The following ITFG1 variants were observed in gnomAD, a reference collection of about 807,000 sequenced individuals.
The protein encoded by ITFG1 is T-cell immunomodulatory protein.
Under a neutral mutation model 81.8 loss-of-function variants are expected in ITFG1, and 34 were observed. The observed-to-expected ratio is 0.42, with a 90% CI of 0.32 to 0.55. ITFG1 has a LOEUF of 0.55. ITFG1 is among the 20% of genes least tolerant of loss of function. The pLI is 0.17. For synonymous variants in ITFG1, 285 were observed against 270.6 expected, an observed-to-expected ratio of 1.05 and a Z score of -0.52; for missense variants, 672 against 755.4, an observed-to-expected ratio of 0.89 and a Z score of 1.29.
intron 14 of ITFG1, among the ~76,000 whole-genome samples, chr16:47,175,113 C>G (rs1408406887): frequency 2.0e-5 from 3 of 151,686 alleles, no homozygotes; most frequent in Non-Finnish European, 2.9e-5. Flanking sequence ...ACAAAGAACA[C>G]CAAAAGAGAA....
intron 14 of ITFG1, among the ~76,000 whole-genome samples, chr16:47,180,604 C>G (rs1468186827): frequency 6.6e-6 from 1 of 152,188 alleles, no homozygotes; most frequent in Non-Finnish European, 1.5e-5. Context: ...AGGCTGGTCT[C>G]CAGCTCCTAA....
intron 8 of ITFG1, among the ~76,000 whole-genome samples, chr16:47,337,327 T>C (rs1234809523): frequency 6.6e-6 from 1 of 151,866 alleles, no homozygotes; most frequent in African/African-American, 2.4e-5. Context: ...ATCCCAGCAC[T>C]TTGGGAGGCC....
At chr16:47,206,846 T>G (rs573843136) in intron 14 of ITFG1, among the ~76,000 whole-genome samples, 18 of 152,236 alleles carry the variant, frequency 1.2e-4, no homozygotes, top group Non-Finnish European at 2.2e-4. Context: ...ATGCTTCCTA[T>G]ACTTCACCTG....
intron 7 of ITFG1, among the ~76,000 whole-genome samples, chr16:47,370,568 T>A (rs1363943700): frequency 6.6e-6 from 1 of 152,250 alleles, no homozygotes; most frequent in Non-Finnish European, 1.5e-5. Flanking sequence ...TCCAAGTTTT[T>A]AGATGCCACT....
intron 6 of ITFG1, among the ~76,000 whole-genome samples, chr16:47,384,799 G>A (rs979974669): frequency 6.6e-6 from 1 of 152,102 alleles, no homozygotes; most frequent in Admixed American, 6.5e-5. Flanking sequence ...AAATGATGGC[G>A]GGGCATGGTG....
At chr16:47,303,892 A>T (rs1967116427) in intron 10 of ITFG1, among the ~76,000 whole-genome samples, 2 of 152,314 alleles carry the variant, frequency 1.3e-5, no homozygotes, top group South Asian at 4.1e-4. Context: ...GGCCTCTGAA[A>T]GTGCTAGGAT....
intron 4 of ITFG1, among the ~76,000 whole-genome samples, chr16:47,451,823 G>A (rs2151618710): frequency 6.6e-6 from 1 of 152,278 alleles, no homozygotes; most frequent in South Asian, 2.1e-4. Flanking sequence ...TATAGTAAGA[G>A]CAAGAAATAA....
intron 13 of ITFG1, among the ~76,000 whole-genome samples, chr16:47,232,554 T>C (rs117649586): frequency 0.024 from 3,641 of 151,828 alleles, 62 homozygotes; most frequent in Non-Finnish European, 0.04. Context: ...TAGTAGGTGG[T>C]GGTATGGGTG....
chr16:47,391,731 A>G (rs1968533958), intron 6 of ITFG1, among the ~76,000 whole-genome samples: 1 of 152,210 alleles, frequency 6.6e-6, no homozygotes, highest in South Asian at 2.1e-4. Flanking sequence ...ATGTGCATGC[A>G]TCTTGTTAGA....
At chr16:47,375,848 A>G (rs1968316743) in intron 7 of ITFG1, 28 bp downstream of exon 7, 3 of 1,385,560 alleles carry the variant, frequency 2.2e-6, no homozygotes, top group Non-Finnish European at 3.1e-6. Context: ...CCATCATTTT[A>G]AAATGCTTCA....
chr16:47,240,676 A>C (rs1416154915), intron 12 of ITFG1, among the ~76,000 whole-genome samples: 1 of 152,246 alleles, frequency 6.6e-6, no homozygotes, highest in East Asian at 1.9e-4. Flanking sequence ...ATGAATGAAT[A>C]AAATATGGTA....
At chr16:47,314,365 G>A (rs1157257559) in intron 8 of ITFG1, among the ~76,000 whole-genome samples, 1 of 152,154 alleles carries the variant, frequency 6.6e-6, no homozygotes, top group South Asian at 2.1e-4. Context: ...TATTTTAAAC[G>A]TGAGACTCTT....
At chr16:47,164,180 C>CTT (rs77652330) in intron 14 of ITFG1, among the ~76,000 whole-genome samples, 11 of 136,470 alleles carry the variant, frequency 8.1e-5, no homozygotes, top group Admixed American at 2.2e-4. Context: ...TGTTTAGTGA[C>CTT]TTTTTTTTTT....
At chr16:47,297,903 G>A (rs559898013) in intron 10 of ITFG1, among the ~76,000 whole-genome samples, 3 of 152,136 alleles carry the variant, frequency 2.0e-5, no homozygotes, top group Admixed American at 1.3e-4. Context: ...AAATTTTAAC[G>A]TAGTATTTCC....
intron 13 of ITFG1, among the ~76,000 whole-genome samples, chr16:47,223,775 T>C (rs144095304): frequency 2.5e-3 from 380 of 152,308 alleles, no homozygotes; most frequent in African/African-American, 8.4e-3. Context: ...TGTATGTTTA[T>C]TGCGGCACTA....
intron 12 of ITFG1, among the ~76,000 whole-genome samples, chr16:47,241,226 A>C (rs896171991): frequency 4.6e-5 from 7 of 152,226 alleles, no homozygotes; most frequent in African/African-American, 1.7e-4. Flanking sequence ...CTGCTTTGGA[A>C]AACAATCTGG....
At chr16:47,187,524 T>G (rs2151516199) in intron 14 of ITFG1, among the ~76,000 whole-genome samples, 1 of 152,300 alleles carries the variant, frequency 6.6e-6, no homozygotes, top group South Asian at 2.1e-4. Flanking sequence ...GGATTCCCTA[T>G]TTAATAAATG....
intron 16 of ITFG1, among the ~76,000 whole-genome samples, chr16:47,159,919 T>C (rs1376488436): frequency 6.6e-6 from 1 of 152,140 alleles, no homozygotes; most frequent in Non-Finnish European, 1.5e-5. Context: ...ATTTGGTTTT[T>C]ATTATGTACA....
intron 15 of ITFG1, 56 bp downstream of exon 15, chr16:47,162,484 T>TA: frequency 7.4e-7 from 1 of 1,342,512 alleles, no homozygotes; most frequent in Non-Finnish European, 1.0e-6. Context: ...TTTAAATACT[T>TA]AAATAGTGAA....
Sources: gnomAD v4.1 joint callset for allele counts (sites outside exome capture counted in the v4.1 genomes callset) on GRCh38, gnomAD v4.1.1 for gene constraint, MANE v1.5 for transcripts, NCBI Gene and HGNC (gene_info 2026-07-23, HGNC 2026-07-21) for gene names.